The following CD101 variants were observed in gnomAD, a reference collection of about 807,000 sequenced individuals.
CD101 encodes immunoglobulin superfamily member 2.
A neutral mutation model predicts 98.2 loss-of-function variants in CD101; 76 were observed. The observed-to-expected ratio is 0.77, with a 90% confidence interval of 0.64 to 0.94. The LOEUF is 0.94. CD101 is among the 40% of genes least tolerant of loss of function. CD101 has a pLI of 0.00. For missense variants in CD101, 1,145 were observed against 1,218.8 expected, an observed-to-expected ratio of 0.94 and a Z score of 0.90; for synonymous variants, 471 against 472.7, an observed-to-expected ratio of 1.00 and a Z score of 0.05.
At chr1:117,003,356 G>T (rs17036695) in intron 1 of CD101, among the ~76,000 whole-genome samples, 1 of 152,210 alleles carries the variant, frequency 6.6e-6, no homozygotes, top group Admixed American at 6.5e-5. Context: ...CATGTCTCTA[G>T]GTACATATGA....
chr1:117,005,709 A>T lies in CD101; in HGVS notation c.43+3849A>T, dbSNP rs768515531. ...CTTGTATGTAACTGACCTAATCTAC[A>T]TCTAACAGTTCAGAACTCTCCCTAG... On this transcript the variant is annotated intron_variant, in intron 1 of 9. Coordinates refer to ENST00000682167, the MANE Select transcript of CD101 (RefSeq NM_001256106.3). This position sits in a 1 kb window ranked among gnomAD's most constrained non-coding sequence, Gnocchi z 4.4. Among the ~76,000 whole-genome samples the T allele has an allele frequency of 7.2e-5, 11 of 152,148 alleles. No homozygotes were observed. Among genetic ancestry groups the T allele is most frequent in the Non-Finnish European group, 1.0e-4 (7 of 68,032 alleles).
At chr1:117,034,256 G>A in intron 9 of CD101, 122 bp downstream of exon 9, 1 of 831,228 alleles carries the variant, frequency 1.2e-6, no homozygotes, top group Admixed American at 2.6e-5. Flanking sequence ...AGTGCTTATT[G>A]GTTCTACGCA....
chr1:117,019,466 C>T lies in CD101; in HGVS notation c.2017+906C>T, dbSNP rs555799823. On this transcript the variant is annotated intron_variant, in intron 6 of 9. Coordinates refer to ENST00000682167, the MANE Select transcript of CD101 (RefSeq NM_001256106.3). The surrounding 1 kb of genome is among the most constrained non-coding windows in gnomAD (Gnocchi z 4.3). ...TAATTTGTCCTCTCTGTGGTATTTG[C>T]AATTGCTGCCCCAATCTGTCTTCTT... Among the ~76,000 whole-genome samples the T allele has an allele frequency of 3.3e-5, 5 of 152,248 alleles. No homozygotes were observed. Among genetic ancestry groups the T allele is most frequent in the African/African-American group, 1.2e-4 (5 of 41,548 alleles).
At chr1:117,003,281 G>GA (rs1180416827) in intron 1 of CD101, among the ~76,000 whole-genome samples, 2 of 152,226 alleles carry the variant, frequency 1.3e-5, no homozygotes, top group African/African-American at 4.8e-5. Flanking sequence ...AGAATTAAAA[G>GA]AAAAGAATAC....
rs201188703 is a variant in CD101 at position 117,034,077 on chromosome 1, C to T, written c.3042C>T (p.Asp1014=). The T allele has an allele frequency of 5.1e-5, 83 of 1,613,952 alleles. No individual in the cohort carries two copies. The highest frequency in any genetic ancestry group is 2.0e-4 in the East Asian group (9 of 44,882). ...AGGVTTNRRE[D]EEEDEGN is the part of the protein sequence containing the mutation. ...GTGTGACCACAAATAGGAGGGAAGA[C>T]GAGGAGGAAGATGAAGGCAACTGAA... Residue 1014 remains aspartate, a synonymous_variant, in exon 9 of 10, where the codon GAC becomes GAT. Coordinates refer to ENST00000682167, the MANE Select transcript of CD101 (RefSeq NM_001256106.3).
At chr1:117,030,805 G>A (rs1437652728) in intron 8 of CD101, among the ~76,000 whole-genome samples, 1 of 152,220 alleles carries the variant, frequency 6.6e-6, no homozygotes, top group Non-Finnish European at 1.5e-5. Context: ...GTTGGGTAGT[G>A]GGGAAGAGTT....
intron 8 of CD101, among the ~76,000 whole-genome samples, chr1:117,032,712 A>G (rs1033772732): frequency 1.3e-5 from 2 of 152,262 alleles, no homozygotes; most frequent in East Asian, 1.9e-4. Flanking sequence ...TAATTGGAAG[A>G]CTACATTTAG....
In CD101 at chr1:117,021,674, C is replaced by A. The variant is rs1483372589; in HGVS notation, c.2119C>A (p.Leu707Ile). ...CSILSRSNGN[L>I]QLAIIWYFSP... ...CATCTTGTCCCGGTCCAATGGAAAC[C>A]TTCAGTTAGCCATTATTTGGTATTT... Residue 707 changes from leucine to isoleucine, a missense_variant, in exon 7 of 10, where the codon CTT becomes ATT. Coordinates refer to ENST00000682167, the MANE Select transcript of CD101 (RefSeq NM_001256106.3). The surrounding 1 kb of genome is among the most constrained non-coding windows in gnomAD (Gnocchi z 4.7). 6.2e-7 allele frequency: 1 copy of A among 1,614,120 alleles called. No homozygotes were observed. Among genetic ancestry groups the A allele is most frequent in the South Asian group, 1.1e-5 (1 of 91,082 alleles).
intron 1 of CD101, among the ~76,000 whole-genome samples, 167 bp from the exon 2 acceptor site, chr1:117,009,683 C>G (rs1652759081): frequency 6.6e-6 from 1 of 152,228 alleles, no homozygotes. Context: ...TCAAGCAATT[C>G]CACTGCTGCT....
chr1:117,019,847 A>C lies in CD101; in HGVS notation c.2017+1287A>C, dbSNP rs1245681832. 6.6e-6 allele frequency among the ~76,000 whole-genome samples: 1 copy of C among 152,166 alleles called. No individual in the cohort carries two copies. Among genetic ancestry groups the C allele is most frequent in the Non-Finnish European group, 1.5e-5 (1 of 68,040 alleles). On this transcript the variant is annotated intron_variant, in intron 6 of 9. Coordinates refer to ENST00000682167, the MANE Select transcript of CD101 (RefSeq NM_001256106.3). The surrounding 1 kb of genome is among the most constrained non-coding windows in gnomAD (Gnocchi z 4.3). ...ACTCCTCACCAGTGACCCAAGTTGA[A>C]AACCTGAGTCATCACAACTCTTATG...
intron 8 of CD101, among the ~76,000 whole-genome samples, chr1:117,030,713 T>C (rs1164148613): frequency 6.6e-6 from 1 of 152,236 alleles, no homozygotes; most frequent in Non-Finnish European, 1.5e-5. Flanking sequence ...TCACTTATTC[T>C]GGGATGCACT....
At chr1:117,025,372 AAAT>A (rs1200864236) in intron 7 of CD101, 134 bp from the exon 8 acceptor site, 4 of 726,514 alleles carry the variant, frequency 5.5e-6, no homozygotes, top group Non-Finnish European at 8.2e-6. Flanking sequence ...CAAAAAATAA[AAAT>A]AATAAAAAAA....
rs1363918549 is a variant in CD101, at chr1:117,005,049, A to T, written c.43+3189A>T. 6.6e-6 allele frequency among the ~76,000 whole-genome samples: 1 copy of T among 151,996 alleles called. No individual in the cohort carries two copies. Among genetic ancestry groups the T allele is most frequent in the East Asian group, 1.9e-4 (1 of 5,178 alleles). ...CCTGGACTCTTTTACAAGGGCATTA[A>T]TCCCATTCATGAGAGCACAGCCCTC... On this transcript the variant is annotated intron_variant, in intron 1 of 9. Coordinates refer to ENST00000682167, the MANE Select transcript of CD101 (RefSeq NM_001256106.3). This position sits in a 1 kb window ranked among gnomAD's most constrained non-coding sequence, Gnocchi z 4.4.
chr1:117,009,956 AC>A lies in CD101; in HGVS notation c.152del (p.Pro51LeufsTer63), dbSNP rs760032662. On this transcript the variant is annotated frameshift_variant, in exon 2 of 10. Transcript: ENST00000682167. LOFTEE classifies it high-confidence loss of function. ...IGCNVTGHQG[P>X]SEQHFQWSVY... ...GCTGCAATGTAACTGGCCACCAGGGACCTTCTGAGCAGCATTTCCAGTGGTC... is the reference window on the plus strand; with the variant it reads ...GCTGCAATGTAACTGGCCACCAGGGACTTCTGAGCAGCATTTCCAGTGGTC... 232 of 1,614,164 alleles carry A rather than the reference AC, an allele frequency of 1.4e-4. No individual in the cohort carries two copies. The highest frequency in any genetic ancestry group is 1.9e-4 in the Non-Finnish European group (222 of 1,180,034).
intron 2 of CD101, 87 bp from the exon 3 acceptor site, chr1:117,011,463 T>C: frequency 1.8e-6 from 2 of 1,130,624 alleles, no homozygotes. Context: ...CTGTGTGCTT[T>C]ACATAGGGTA....
In CD101 at chr1:117,012,075, CT is replaced by C. The variant is rs1488222281; in HGVS notation, c.841+110del. ...TCTTTTGTTGGCTCTAAAAAATTGG[CT>C]AGAAAGTTTGATTTAATTTTGTATT... is the stretch of plus-strand genomic sequence containing the variant. On this transcript the variant is annotated intron_variant, in intron 3 of 9. Coordinates refer to ENST00000682167, the MANE Select transcript of CD101 (RefSeq NM_001256106.3). The surrounding 1 kb of genome is among the most constrained non-coding windows in gnomAD (Gnocchi z 4.0). 5.7e-6 allele frequency: 6 copies of C among 1,051,490 alleles called. No individual in the cohort carries two copies. The highest frequency in any genetic ancestry group is 8.2e-6 in the Non-Finnish European group (6 of 732,968). The allele number at this position is 1,051,490 out of a possible 1,614,324, so 65.1% of individuals were successfully genotyped here. A position where few individuals can be genotyped will look rare whatever the true frequency, so the allele number is the denominator to read the frequency against.
In CD101 at chr1:117,005,347, G is replaced by C. The variant is rs2806871; in HGVS notation, c.43+3487G>C. Among the ~76,000 whole-genome samples the C allele has an allele frequency of 1.3e-5, 2 of 151,918 alleles. No homozygotes were observed. The highest frequency in any genetic ancestry group is 4.8e-5 in the African/African-American group (2 of 41,328). On this transcript the variant is annotated intron_variant, in intron 1 of 9. Coordinates refer to ENST00000682167, the MANE Select transcript of CD101 (RefSeq NM_001256106.3). This position sits in a 1 kb window ranked among gnomAD's most constrained non-coding sequence, Gnocchi z 4.4. The stretch of plus-strand genomic sequence containing the variant: ...TTCTCCATGAAACTCCTGGAAGTAG[G>C]TTCCACTTCCTGCAGTCACTTCTTA...
At position 117,017,292 on chromosome 1, in the gene CD101, A is replaced by G. The variant is rs1653291596; in HGVS notation, c.1431A>G (p.Val477=). 3 of 1,614,230 alleles carry G rather than the reference A, an allele frequency of 1.9e-6. No individual in the cohort carries two copies. The highest frequency in any genetic ancestry group is 1.7e-5 in the Admixed American group (1 of 60,028). Residue 477 remains valine (V), a synonymous_variant, in exon 5 of 10, where the codon GTA becomes GTG. Coordinates refer to ENST00000682167, the MANE Select transcript of CD101 (RefSeq NM_001256106.3). Reference sequence around the variant, plus strand: ...TGCAGCTGGGTGCCTCCTATGGGGTACCCAGTTACCATGGCAACACAAGGC... The same window carrying G: ...TGCAGCTGGGTGCCTCCTATGGGGTGCCCAGTTACCATGGCAACACAAGGC... ...GIVQLGASYG[V]PSYHGNTRLE...
At position 117,025,843 on chromosome 1, in the gene CD101, C is replaced by G. The variant is rs745575565; in HGVS notation, c.2763C>G (p.Ser921Arg). ...VAEWQLHGHP[S>R]KWINQASDES... ...AGTGGCAGCTCCATGGACACCCAAG[C>G]AAGTGGATTAATCAAGCATCCGATG... The change falls in exon 8 of 10, where the codon AGC becomes AGG. Residue 921 changes from serine (S) to arginine (R), a missense_variant. By Grantham distance (110) the Ser-to-Arg change is moderately radical. Coordinates refer to ENST00000682167, the MANE Select transcript of CD101 (RefSeq NM_001256106.3). 2.2e-5 allele frequency: 36 copies of G among 1,613,948 alleles called. No homozygotes were observed. Among genetic ancestry groups the G allele is most frequent in the Non-Finnish European group, 3.1e-5 (36 of 1,179,954 alleles).
Sources: allele counts gnomAD v4.1 joint callset (sites outside exome capture counted in the v4.1 genomes callset), GRCh38; gene constraint gnomAD v4.1.1; non-coding constraint Gnocchi (gnomAD v3.1); transcripts MANE v1.5; gene names NCBI Gene and HGNC (gene_info 2026-07-23, HGNC 2026-07-21).